Variants in KCNH4 observed in about 807,000 individuals in gnomAD.
KCNH4 encodes voltage-gated delayed rectifier potassium channel KCNH4.
In KCNH4, 33 loss-of-function variants were observed where a neutral mutation model predicts 90.7. That is an observed-to-expected ratio of 0.36 (90% CI 0.28 to 0.49). KCNH4 has a LOEUF of 0.49. Ranked by LOEUF, KCNH4 falls within the 20% of genes least tolerant of loss-of-function variation. KCNH4 has a pLI of 0.98. For synonymous variants in KCNH4, 551 were observed against 581.7 expected (o/e 0.95, Z 0.76); for missense variants, 1,044 against 1,387.1 (o/e 0.75, Z 3.93).
At chr17:42,173,078 C>T (rs893661289) in intron 6 of KCNH4, among the ~76,000 whole-genome samples, 5 of 151,782 alleles carry the variant, frequency 3.3e-5, no homozygotes, top group African/African-American at 9.7e-5. Context: ...ACTAATATTA[C>T]CCCAAGTACC....
intron 6 of KCNH4, among the ~76,000 whole-genome samples, chr17:42,173,857 C>G (rs1327126551): frequency 6.6e-6 from 1 of 151,800 alleles, no homozygotes; most frequent in Non-Finnish European, 1.5e-5. Context: ...CCTGCCACCA[C>G]GCCTGGCTAA....
At chr17:42,177,427 G>A (rs1251063115) in intron 4 of KCNH4, among the ~76,000 whole-genome samples, 1 of 150,994 alleles carries the variant, frequency 6.6e-6, no homozygotes, top group Non-Finnish European at 1.5e-5. Context: ...TAGAACTCCT[G>A]GCCTCAAGCA....
intron 4 of KCNH4, 82 bp downstream of exon 4, chr17:42,178,018 G>A: frequency 1.3e-6 from 2 of 1,543,402 alleles, no homozygotes. Flanking sequence ...AGACAGACAG[G>A]GAAGTGGGGA....
rs745704968 is a variant in KCNH4, at chr17:42,163,695, G to C, written c.2388C>G (p.His796Gln). 2 of 1,512,490 alleles carry C rather than the reference G, an allele frequency of 1.3e-6. No homozygotes were observed. The highest frequency in any genetic ancestry group is 8.8e-7 in the Non-Finnish European group (1 of 1,131,808). 93.7% of individuals were successfully genotyped at this position (1,512,490 alleles called of 1,614,324 possible). A position where few individuals can be genotyped will look rare whatever the true frequency, so the allele number is the denominator to read the frequency against. ...LAGQGHSASP[H>Q]GPPRCSAAWK... ...AGGCAGCAGAGCACCTGGGGGGGCC[G>C]TGAGGGGAGGCACTGTGGCCCTGGC... Residue 796 changes from histidine to glutamine, a missense_variant, in exon 13 of 17, where the codon CAC becomes CAG. His to Gln is a conservative substitution (Grantham distance 24, BLOSUM62 0). Transcript: ENST00000264661. The surrounding 1 kb of genome is among the most constrained non-coding windows in gnomAD (Gnocchi z 5.4).
At position 42,180,956 on chromosome 17, in the gene KCNH4, C is replaced by A. The variant is rs374444136; in HGVS notation, c.-11G>T. The A allele has an allele frequency of 1.9e-6, 3 of 1,610,822 alleles. No individual in the cohort carries two copies. The highest frequency in any genetic ancestry group is 8.5e-7 in the Non-Finnish European group (1 of 1,178,566). On this transcript the variant is annotated 5_prime_UTR_variant, in exon 1 of 17. Transcript: ENST00000264661. This position sits in a 1 kb window ranked among gnomAD's most constrained non-coding sequence, Gnocchi z 4.7. ...CTTCATGACCGGCATGGCCCCGGGGCGTGGGTTCAAGGCGCGGCGCTGGGG... is the reference window on the plus strand; with the variant it reads ...CTTCATGACCGGCATGGCCCCGGGGAGTGGGTTCAAGGCGCGGCGCTGGGG...
At chr17:42,175,957 G>T (rs946475128) in intron 5 of KCNH4, 97 bp downstream of exon 5, 373 of 1,400,268 alleles carry the variant, frequency 2.7e-4, no homozygotes, top group Non-Finnish European at 3.6e-4. Flanking sequence ...AAGGGGCTCT[G>T]AATGTCTGGG....
Position 42,160,376 on chromosome 17 carries a change from G to A in KCNH4, c.2718C>T (p.Gly906=). The change falls in exon 16 of 17, where the codon GGC becomes GGT. Residue 906 remains glycine (G), a synonymous_variant. Transcript: ENST00000264661. ...QLSRELRHIM[G]LLQARLGPPG... The stretch of plus-strand genomic sequence containing the variant: ...GGGGACCCAGCCTGGCCTGCAGCAG[G>A]CCCATGATGTGCCGCAGCTCCCGGC... The A allele has an allele frequency of 1.2e-6, 2 of 1,613,354 alleles. No homozygotes were observed. The highest frequency in any genetic ancestry group is 1.3e-5 in the African/African-American group (1 of 75,012).
At chr17:42,177,863 C>G (rs934727561) in intron 4 of KCNH4, among the ~76,000 whole-genome samples, 1 of 152,104 alleles carries the variant, frequency 6.6e-6, no homozygotes, top group Non-Finnish European at 1.5e-5. Context: ...GTGACATCAT[C>G]GGAGCAAAGT....
intron 5 of KCNH4, 130 bp downstream of exon 5, chr17:42,175,924 T>C: frequency 7.9e-7 from 1 of 1,264,922 alleles, no homozygotes; most frequent in South Asian, 1.4e-5. Flanking sequence ...CATGGGCCAT[T>C]GGGACTTAAA....
chr17:42,162,580 C>A (rs1174176435), intron 14 of KCNH4, among the ~76,000 whole-genome samples: 1 of 151,874 alleles, frequency 6.6e-6, no homozygotes, highest in Non-Finnish European at 1.5e-5. Context: ...GGTTTTCATG[C>A]CTTTCAACAA....
intron 6 of KCNH4, among the ~76,000 whole-genome samples, chr17:42,174,055 T>C (rs2079846127): frequency 6.6e-6 from 1 of 152,128 alleles, no homozygotes; most frequent in Non-Finnish European, 1.5e-5. Flanking sequence ...CCTCTGGGAC[T>C]CAAGCAATTC....
Position 42,160,398 on chromosome 17 carries a change from CG to C in KCNH4, c.2695del (p.Arg899GlyfsTer34). 1 of 1,610,246 alleles carries C rather than the reference CG, an allele frequency of 6.2e-7. No individual in the cohort carries two copies. The highest frequency in any genetic ancestry group is 8.5e-7 in the Non-Finnish European group (1 of 1,177,396). On this transcript the variant is annotated frameshift_variant, in exon 16 of 17. Transcript: ENST00000264661. LOFTEE classifies it high-confidence loss of function. ...RLNQEVSQLSRELRHIMGLLQ... is the reference protein window; with the variant it reads ...RLNQEVSQLSXELRHIMGLLQ... ...CAGGCCCATGATGTGCCGCAGCTCC[CG>C]GCTAAGCTGAGACACCTCCTGATTG...
Position 42,178,922 on chromosome 17 carries a change from T to C in KCNH4, c.181A>G (p.Met61Val). 1 of 1,614,200 alleles carries C rather than the reference T, an allele frequency of 6.2e-7. No homozygotes were observed. Among genetic ancestry groups the C allele is most frequent in the Non-Finnish European group, 8.5e-7 (1 of 1,180,040 alleles). The part of the protein sequence containing the change: ...ELTGYGRTEV[M>V]QKTCSCRFLY... ...AAACGGCAGCTGCAGGTCTTCTGCATGACCTCGGTGCGACCGTAGCCTGTG... is the reference window on the plus strand; with the variant it reads ...AAACGGCAGCTGCAGGTCTTCTGCACGACCTCGGTGCGACCGTAGCCTGTG... Residue 61 changes from methionine to valine, a missense_variant, in exon 2 of 17, where the codon ATG becomes GTG. By Grantham distance (21) the Met-to-Val change is conservative. This residue lies in a region of KCNH4 where 283 missense variants were observed against 378.6 expected (regional missense o/e 0.75). Coordinates refer to ENST00000264661, the MANE Select transcript of KCNH4 (RefSeq NM_012285.3).
intron 3 of KCNH4, 46 bp downstream of exon 3, chr17:42,178,285 C>T (rs202228114): frequency 5.0e-5 from 80 of 1,613,874 alleles, no homozygotes; most frequent in Middle Eastern, 1.6e-4. Context: ...GCTGGTTAGG[C>T]GAAGGCTTCT....
chr17:42,160,437 T>C lies in KCNH4; in HGVS notation c.2659-2A>G. 6.3e-7 allele frequency: 1 copy of C among 1,581,268 alleles called. No homozygotes were observed. The highest frequency in any genetic ancestry group is 8.6e-7 in the Non-Finnish European group (1 of 1,158,856). ...CACCTCCTGATTGAGACGAGAGATC[T>C]GTTGAAAACACATCGAGTTGTTTCA... On this transcript the variant is annotated splice_acceptor_variant, in intron 15 of 16. Transcript: ENST00000264661. LOFTEE classifies it high-confidence loss of function.
rs144207653 is a variant in KCNH4 at position 42,166,298 on chromosome 17, C to T, written c.1839G>A (p.Leu613=). Residue 613 remains leucine (L), a splice_region_variant and synonymous_variant, in exon 10 of 17, where the codon CTG becomes CTA. Coordinates refer to ENST00000264661, the MANE Select transcript of KCNH4 (RefSeq NM_012285.3). ...AGTAGAGGGTGACGGTGTCCTTACC[C>T]AGGATGGCCAGCACCATGTTGTCTC... ...VLRDNMVLAI[L]GKGDLIGADI... 20 of 1,600,502 alleles carry T rather than the reference C, an allele frequency of 1.2e-5. No individual in the cohort carries two copies. Among genetic ancestry groups the T allele is most frequent in the Non-Finnish European group, 1.7e-5 (20 of 1,173,324 alleles).
chr17:42,172,536 AACACACACACACAC>A (rs55671197), intron 6 of KCNH4, among the ~76,000 whole-genome samples: 6,490 of 136,716 alleles, frequency 0.047, 453 homozygotes, highest in African/African-American at 0.16. Context: ...CTTATTTAAC[AACACACACACACAC>A]ACACACACAC....
chr17:42,159,692 TG>T, intron 16 of KCNH4, 38 bp downstream of exon 16: 1 of 203,510 alleles, frequency 4.9e-6, no homozygotes, highest in Non-Finnish European at 9.7e-6. Context: ...AGGCTGGAGC[TG>T]GGTCCCTTGC....
At chr17:42,166,645 C>G in intron 9 of KCNH4, 99 bp from the exon 10 acceptor site, 4 of 1,461,546 alleles carry the variant, frequency 2.7e-6, no homozygotes, top group Non-Finnish European at 3.7e-6. Context: ...TTCCTCTTGC[C>G]CTTGCTTTGA....
Sources: gnomAD v4.1 joint callset for allele counts (sites outside exome capture counted in the v4.1 genomes callset) on GRCh38, gnomAD v4.1.1 for gene constraint, gnomAD v4.1.1 regional missense constraint, Gnocchi (gnomAD v3.1) non-coding constraint, MANE v1.5 for transcripts, NCBI Gene and HGNC (gene_info 2026-07-23, HGNC 2026-07-21) for gene names.